The following EPHB2 variants were observed in gnomAD, a reference collection of about 807,000 sequenced individuals.
The protein encoded by EPHB2 is ephrin type-B receptor 2.
EPHB2 carries 18 observed loss-of-function variants against 96.4 expected under a neutral mutation model. The ratio of observed to expected loss-of-function variants is 0.19; its 90% CI spans 0.13 to 0.28. EPHB2 has a LOEUF of 0.28. EPHB2 is among the 10% of genes least tolerant of loss of function. EPHB2 has a pLI of 1.00. For missense variants in EPHB2, 989 were observed against 1,355.4 expected, an observed-to-expected ratio of 0.73 and a Z score of 4.25; for synonymous variants, 506 against 534.1, an observed-to-expected ratio of 0.95 and a Z score of 0.72.
chr1:22,755,606 C>T (rs1557655305), intron 1 of EPHB2, among the ~76,000 whole-genome samples: 1 of 152,156 alleles, frequency 6.6e-6, no homozygotes, highest in East Asian at 1.9e-4. Context: ...GCTAGATGCA[C>T]TGGGTTTGAA....
intron 3 of EPHB2, among the ~76,000 whole-genome samples, chr1:22,788,823 C>T (rs553302396): frequency 6.8e-6 from 1 of 147,578 alleles, no homozygotes; most frequent in Non-Finnish European, 1.5e-5. Context: ...GGTGCAGTCT[C>T]AACTCACTGC....
At chr1:22,769,118 C>A (rs1043760687) in intron 1 of EPHB2, among the ~76,000 whole-genome samples, 8 of 152,162 alleles carry the variant, frequency 5.3e-5, no homozygotes, top group Non-Finnish European at 8.8e-5. Flanking sequence ...GTGGGATGGG[C>A]CCCAGCCATG....
chr1:22,773,762 C>G (rs1157160575), intron 1 of EPHB2, among the ~76,000 whole-genome samples: 3 of 152,166 alleles, frequency 2.0e-5, no homozygotes, highest in Non-Finnish European at 4.4e-5. Flanking sequence ...GGCGCCCTGT[C>G]CTGTGCTACC....
At chr1:22,755,651 G>T (rs1644137692) in intron 1 of EPHB2, among the ~76,000 whole-genome samples, 1 of 152,142 alleles carries the variant, frequency 6.6e-6, no homozygotes, top group Non-Finnish European at 1.5e-5. Flanking sequence ...ACGTGACCTT[G>T]GGCAATTACT....
In EPHB2 at chr1:22,913,240, G is replaced by C. The variant is rs979377588; in HGVS notation, c.2853-222G>C. 20 of 608,552 alleles carry C rather than the reference G, an allele frequency of 3.3e-5. No homozygotes were observed. In the East Asian group the frequency reaches 5.6e-4, roughly 17 times the overall value. 37.7% of individuals were successfully genotyped at this position (608,552 alleles called of 1,614,324 possible). A position where few individuals can be genotyped will look rare whatever the true frequency, so the allele number is the denominator to read the frequency against. Reference sequence around the variant, plus strand: ...TGGCTTCCCCCTCCCAATAGCAGGGGAGAGAAGGCCCCCTAGGGACCCTGA... The same window carrying C: ...TGGCTTCCCCCTCCCAATAGCAGGGCAGAGAAGGCCCCCTAGGGACCCTGA... On this transcript the variant is annotated intron_variant, in intron 15 of 15. Transcript: ENST00000374630. The surrounding 1 kb of genome is among the most constrained non-coding windows in gnomAD (Gnocchi z 4.1).
At position 22,913,385 on chromosome 1, in the gene EPHB2, A is replaced by G; in HGVS notation, c.2853-77A>G. On this transcript the variant is annotated intron_variant, in intron 15 of 15. Coordinates refer to ENST00000374630, the MANE Select transcript of EPHB2 (RefSeq NM_017449.5). The surrounding 1 kb of genome is among the most constrained non-coding windows in gnomAD (Gnocchi z 4.1). The stretch of plus-strand genomic sequence containing the variant: ...TGCTTTGCCATCTTCCTCCCGGGGA[A>G]GCCCAGGCAGCTCTCTACCAGGCAC... 2 of 1,565,524 alleles carry G rather than the reference A, an allele frequency of 1.3e-6. No individual in the cohort carries two copies. The highest frequency in any genetic ancestry group is 1.7e-6 in the Non-Finnish European group (2 of 1,150,836).
intron 1 of EPHB2, among the ~76,000 whole-genome samples, chr1:22,772,593 T>G (rs761570379): frequency 5.3e-5 from 8 of 152,196 alleles, no homozygotes; most frequent in Non-Finnish European, 1.0e-4. Flanking sequence ...ACCTCTTGCC[T>G]TGCTTTGGGC....
rs1430509169 is a variant in EPHB2, at chr1:22,805,625, G to A, written c.811+20549G>A. 4.6e-5 allele frequency among the ~76,000 whole-genome samples: 7 copies of A among 152,282 alleles called. No homozygotes were observed. In the East Asian group the frequency reaches 1.4e-3, roughly 29 times the overall value. ...TGAGCAGCCACCTCCCACCCATCCT[G>A]GACCCAGGGTCAGCAAGGAGCGGGT... On this transcript the variant is annotated intron_variant, in intron 3 of 15. Transcript: ENST00000374630.
chr1:22,869,852 T>C (rs1207558666), intron 5 of EPHB2, among the ~76,000 whole-genome samples: 5 of 152,226 alleles, frequency 3.3e-5, no homozygotes, highest in Non-Finnish European at 7.3e-5. Context: ...CCTTGTGTCA[T>C]TGATCATTTA....
At chr1:22,723,045 A>C (rs1469328329) in intron 1 of EPHB2, among the ~76,000 whole-genome samples, 4 of 152,238 alleles carry the variant, frequency 2.6e-5, no homozygotes, top group Non-Finnish European at 5.9e-5. Context: ...GCGGGGTGCA[A>C]GCTGCCTGGC....
intron 3 of EPHB2, among the ~76,000 whole-genome samples, chr1:22,818,564 C>A (rs1557693561): frequency 6.6e-6 from 1 of 152,174 alleles, no homozygotes; most frequent in Non-Finnish European, 1.5e-5. Context: ...AAAGGTCAAA[C>A]TCCTTCCTAT....
At chr1:22,732,887 T>TA (rs1643748760) in intron 1 of EPHB2, among the ~76,000 whole-genome samples, 1 of 152,154 alleles carries the variant, frequency 6.6e-6, no homozygotes, top group African/African-American at 2.4e-5. Context: ...AAAAATCAGC[T>TA]AGTGTCTGTT....
At chr1:22,848,397 C>T (rs1282233428) in intron 3 of EPHB2, among the ~76,000 whole-genome samples, 1 of 152,186 alleles carries the variant, frequency 6.6e-6, no homozygotes. Context: ...TCCACTATCG[C>T]TCGGTGGACC....
In EPHB2 at chr1:22,733,077, T is replaced by G. The variant is rs1643753119; in HGVS notation, c.61+22034T>G. ...TCTTTCTTTCTTTTTTTTTGGAGTTTCGCTCTTGTCGCCCAGACTGGAATG... is the reference window on the plus strand; with the variant it reads ...TCTTTCTTTCTTTTTTTTTGGAGTTGCGCTCTTGTCGCCCAGACTGGAATG... On this transcript the variant is annotated intron_variant, in intron 1 of 15. Coordinates refer to ENST00000374630, the MANE Select transcript of EPHB2 (RefSeq NM_017449.5). The surrounding 1 kb of genome is among the most constrained non-coding windows in gnomAD (Gnocchi z 4.6). 6.6e-6 allele frequency among the ~76,000 whole-genome samples: 1 copy of G among 152,046 alleles called. No individual in the cohort carries two copies. The highest frequency in any genetic ancestry group is 6.5e-5 in the Admixed American group (1 of 15,274).
chr1:22,833,958 TTTAA>T lies in EPHB2; in HGVS notation c.812-29078_812-29075del, dbSNP rs1177252079. 2.6e-5 allele frequency among the ~76,000 whole-genome samples: 4 copies of T among 152,012 alleles called. No homozygotes were observed. In the East Asian group the frequency reaches 5.8e-4, roughly 22 times the overall value. ...GATACATTTCAGAGGATAAAAAGAC[TTTAA>T]GACAAAACAGCATTATTAGGGACAA... On this transcript the variant is annotated intron_variant, in intron 3 of 15. Transcript: ENST00000374630.
intron 1 of EPHB2, among the ~76,000 whole-genome samples, chr1:22,727,971 C>T (rs1643621734): frequency 6.6e-6 from 1 of 151,852 alleles, no homozygotes; most frequent in South Asian, 2.1e-4. Flanking sequence ...TTAACATCTG[C>T]CTCTAGCCCT....
chr1:22,839,649 C>G (rs763810736), intron 3 of EPHB2, among the ~76,000 whole-genome samples: 3 of 152,126 alleles, frequency 2.0e-5, no homozygotes, highest in Non-Finnish European at 4.4e-5. Flanking sequence ...ACTCAGCCAG[C>G]AAATACATGG....
At chr1:22,781,552 A>G in intron 2 of EPHB2, 67 bp downstream of exon 2, 1 of 1,521,546 alleles carries the variant, frequency 6.6e-7, no homozygotes, top group Non-Finnish European at 9.1e-7. Flanking sequence ...GCAGGGCCCG[A>G]ATGCCCCCTC....
At chr1:22,815,285 G>A (rs1645059034) in intron 3 of EPHB2, among the ~76,000 whole-genome samples, 1 of 152,186 alleles carries the variant, frequency 6.6e-6, no homozygotes, top group African/African-American at 2.4e-5. Flanking sequence ...GGGGGTACAG[G>A]AGGCTGGGTT....
Sources: allele counts gnomAD v4.1 joint callset (sites outside exome capture counted in the v4.1 genomes callset), GRCh38; gene constraint gnomAD v4.1.1; non-coding constraint Gnocchi (gnomAD v3.1); transcripts MANE v1.5; gene names NCBI Gene and HGNC (gene_info 2026-07-23, HGNC 2026-07-21).